FNIP1: variants seen among roughly 807,000 people sequenced by gnomAD.
FNIP1 encodes folliculin-interacting protein 1.
In FNIP1, 40 loss-of-function variants were observed where a neutral mutation model predicts 124.5. The ratio of observed to expected loss-of-function variants is 0.32; its 90% confidence interval spans 0.25 to 0.42. The LOEUF is 0.42. Among genes scored for constraint, FNIP1 ranks in the 10% least tolerant of loss-of-function variants. The pLI, the probability that FNIP1 is intolerant of heterozygous loss-of-function variation, is 1.00. For missense variants in FNIP1, 1,176 were observed against 1,403.7 expected, an observed-to-expected ratio of 0.84 and a Z score of 2.59; for synonymous variants, 472 against 470.6, an observed-to-expected ratio of 1.00 and a Z score of -0.04.
rs1019530369 is a variant in FNIP1, at chr5:131,679,293, G to A, written c.1203-118C>T. 19 of 658,766 alleles carry A rather than the reference G, an allele frequency of 2.9e-5. No homozygotes were observed. In the East Asian group the frequency reaches 4.4e-4, roughly 15 times the overall value. The allele number at this position is 658,766 out of a possible 1,614,324, so 40.8% of individuals were successfully genotyped here. ...ACATCTAGATTATTAAAGCTTTTGA[G>A]GAAAGACAATGGACCAAGTCCTTCT... On this transcript the variant is annotated intron_variant, in intron 11 of 17. Transcript: ENST00000510461.
chr5:131,729,008 T>A (rs983341141), intron 3 of FNIP1, among the ~76,000 whole-genome samples: 1 of 152,176 alleles, frequency 6.6e-6, no homozygotes, highest in Admixed American at 6.5e-5. Flanking sequence ...GTATCACCAC[T>A]GGAGGCTGCA....
chr5:131,686,568 G>T (rs181348818), intron 11 of FNIP1, among the ~76,000 whole-genome samples: 2 of 151,960 alleles, frequency 1.3e-5, no homozygotes, highest in African/African-American at 2.4e-5. Context: ...AAATTTTGTG[G>T]GTACACTGTA....
At chr5:131,725,809 T>C (rs1167671696) in intron 3 of FNIP1, among the ~76,000 whole-genome samples, 5 of 152,220 alleles carry the variant, frequency 3.3e-5, no homozygotes, top group Admixed American at 3.3e-4. Context: ...CGTTTGCCCA[T>C]TCGGGATGAT....
At chr5:131,745,866 C>T (rs1770660431) in intron 1 of FNIP1, among the ~76,000 whole-genome samples, 1 of 151,990 alleles carries the variant, frequency 6.6e-6, no homozygotes. Context: ...AGTTTTTAAA[C>T]TATAAAGAAA....
At position 131,703,265 on chromosome 5, in the gene FNIP1, G is replaced by A. The variant is rs185714722; in HGVS notation, c.1116+800C>T. On this transcript the variant is annotated intron_variant, in intron 10 of 17. Coordinates refer to ENST00000510461, the MANE Select transcript of FNIP1 (RefSeq NM_133372.3). ...CAATTCAATCACTAAAGTGGTTTGC[G>A]TATTCATCATCTGGATTACTGTAAC... Among the ~76,000 whole-genome samples the A allele has an allele frequency of 1.4e-3, 214 of 152,224 alleles. 1 individual carries two copies. The highest frequency in any genetic ancestry group is 4.8e-3 in the African/African-American group (201 of 41,532).
intron 15 of FNIP1, among the ~76,000 whole-genome samples, chr5:131,663,234 T>C (rs1767499205): frequency 6.6e-6 from 1 of 152,234 alleles, no homozygotes; most frequent in South Asian, 2.1e-4. Flanking sequence ...AATTTTTCTC[T>C]TGAGAGCTCC....
intron 2 of FNIP1, among the ~76,000 whole-genome samples, chr5:131,736,195 A>G (rs1404405722): frequency 6.6e-6 from 1 of 152,198 alleles, no homozygotes; most frequent in African/African-American, 2.4e-5. Flanking sequence ...TATTTTTACT[A>G]TTGGCATCCT....
chr5:131,756,086 T>G (rs1349323655), intron 1 of FNIP1, among the ~76,000 whole-genome samples: 1 of 152,022 alleles, frequency 6.6e-6, no homozygotes, highest in African/African-American at 2.4e-5. Context: ...AGACCAAAAT[T>G]TATGAAGAGT....
intron 1 of FNIP1, chr5:131,795,932 C>T (rs1193303323): frequency 6.6e-6 from 1 of 152,140 alleles, no homozygotes; most frequent in Non-Finnish European, 1.5e-5. Context: ...CACTGCAATA[C>T]GTATAAAGGC....
chr5:131,716,507 A>G (rs1236697144), intron 6 of FNIP1, 58 bp downstream of exon 6: 2 of 1,207,154 alleles, frequency 1.7e-6, no homozygotes, highest in Non-Finnish European at 2.4e-6. Context: ...TAACTTCAAA[A>G]AACACTTGTT....
intron 1 of FNIP1, among the ~76,000 whole-genome samples, chr5:131,782,628 G>C (rs1042127465): frequency 6.6e-6 from 1 of 152,126 alleles, no homozygotes. Flanking sequence ...GGGAGGCAAA[G>C]AGGGAGGGAA....
intron 12 of FNIP1, 62 bp downstream of exon 12, chr5:131,678,967 C>T (rs1284590591): frequency 4.5e-6 from 5 of 1,106,348 alleles, no homozygotes; most frequent in Non-Finnish European, 6.5e-6. Flanking sequence ...GATGATTCTT[C>T]CACATCTGTA....
chr5:131,772,275 C>T (rs778521476), intron 1 of FNIP1, among the ~76,000 whole-genome samples: 1 of 152,012 alleles, frequency 6.6e-6, no homozygotes. Flanking sequence ...CTAAAAGGTA[C>T]AGGGAACTTT....
chr5:131,650,669 G>C (rs977973594), intron 16 of FNIP1, among the ~76,000 whole-genome samples: 1 of 152,198 alleles, frequency 6.6e-6, no homozygotes, highest in Non-Finnish European at 1.5e-5. Context: ...CAGAAGTAGG[G>C]AAAGTGGGTC....
intron 11 of FNIP1, among the ~76,000 whole-genome samples, chr5:131,686,267 T>C (rs1017873436): frequency 3.9e-5 from 6 of 152,206 alleles, no homozygotes; most frequent in Non-Finnish European, 8.8e-5. Context: ...ACAGTAATTG[T>C]GTAAGACAAG....
intron 10 of FNIP1, among the ~76,000 whole-genome samples, chr5:131,702,829 T>C (rs1193923822): frequency 2.0e-5 from 3 of 152,234 alleles, no homozygotes; most frequent in African/African-American, 7.2e-5. Flanking sequence ...GAATACACTC[T>C]TGTTTTTTCT....
chr5:131,689,380 G>C (rs1044365836), intron 11 of FNIP1, among the ~76,000 whole-genome samples: 1 of 152,094 alleles, frequency 6.6e-6, no homozygotes, highest in Non-Finnish European at 1.5e-5. Flanking sequence ...TATCCAAAAA[G>C]TAATAAATGT....
At chr5:131,784,155 C>T (rs1772086637) in intron 1 of FNIP1, among the ~76,000 whole-genome samples, 2 of 152,100 alleles carry the variant, frequency 1.3e-5, no homozygotes, top group African/African-American at 4.8e-5. Flanking sequence ...CAAAAAAGGA[C>T]ATATCCAGGA....
chr5:131,787,425 G>A (rs1252063466), intron 1 of FNIP1, among the ~76,000 whole-genome samples: 2 of 152,174 alleles, frequency 1.3e-5, no homozygotes, highest in African/African-American at 4.8e-5. Context: ...CATACACACA[G>A]ACACCCCGCA....
Sources: allele counts gnomAD v4.1 joint callset (sites outside exome capture counted in the v4.1 genomes callset), GRCh38; gene constraint gnomAD v4.1.1; transcripts MANE v1.5; gene names NCBI Gene and HGNC (gene_info 2026-07-23, HGNC 2026-07-21).